The following DMD variants were observed in gnomAD, a reference collection of about 807,000 sequenced individuals.
DMD encodes the protein mutant dystrophin.
In DMD, 63 loss-of-function variants were observed where a neutral mutation model predicts 330.1. That is an observed-to-expected ratio of 0.19 (90% CI 0.16 to 0.24). DMD has a LOEUF of 0.24. Among genes scored for constraint, DMD ranks in the 10% least tolerant of loss-of-function variants. DMD has a pLI of 1.00. For missense variants in DMD, 3,344 were observed against 2,684.1 expected (o/e 1.25, Z -5.43); for synonymous variants, 1,223 against 959.8 (o/e 1.27, Z -5.07).
intron 44 of DMD, among the ~76,000 whole-genome samples, chrX:32,184,202 A>C (rs2096937704): frequency 9.0e-6 from 1 of 110,899 alleles, no homozygotes. Flanking sequence ...TAAATGTAAA[A>C]AACAAACCTT....
chrX:32,413,153 C>A (rs1443014090), intron 29 of DMD, among the ~76,000 whole-genome samples: 5 of 110,666 alleles, frequency 4.5e-5, no homozygotes, highest in Non-Finnish European at 9.4e-5. Flanking sequence ...ATTCTGACAA[C>A]TCTCAACTCT....
At chrX:32,456,136 G>T (rs182227855) in intron 25 of DMD, among the ~76,000 whole-genome samples, 1 of 110,813 alleles carries the variant, frequency 9.0e-6, no homozygotes, top group Non-Finnish European at 1.9e-5. Flanking sequence ...AAAATGAAGT[G>T]TTCATGGTAC....
chrX:32,557,557 G>A (rs1043857780), intron 16 of DMD, among the ~76,000 whole-genome samples: 7 of 111,191 alleles, frequency 6.3e-5, no homozygotes, highest in African/African-American at 2.3e-4. Flanking sequence ...AGTTTTAATG[G>A]GCATGGAGGA....
At chrX:33,125,323 C>G (rs1262860424) in intron 1 of DMD, among the ~76,000 whole-genome samples, 1 of 110,840 alleles carries the variant, frequency 9.0e-6, no homozygotes, top group African/African-American at 3.3e-5. Context: ...ATAGGTAGGA[C>G]TGGCCAAAAA....
chrX:31,985,504 G>A (rs2095503124), intron 44 of DMD, among the ~76,000 whole-genome samples: 1 of 112,386 alleles, frequency 8.9e-6, no homozygotes, highest in African/African-American at 3.2e-5. Context: ...GGTCTTTCAC[G>A]CTTAAACATC....
chrX:31,273,726 C>T (rs1465543996), intron 62 of DMD, among the ~76,000 whole-genome samples: 1 of 111,050 alleles, frequency 9.0e-6, no homozygotes, highest in Non-Finnish European at 1.9e-5. Flanking sequence ...TTATCAAAAG[C>T]AGCTTCCTTA....
At chrX:31,658,200 G>C (rs950283411) in intron 53 of DMD, 56 bp from the exon 54 acceptor site, 1 of 1,147,584 alleles carries the variant, frequency 8.7e-7, no homozygotes, top group South Asian at 1.8e-5. Flanking sequence ...GAAATCTCTA[G>C]TTGGAGTGTC....
chrX:33,270,234 A>G (rs1243412345), intron 1 of DMD, among the ~76,000 whole-genome samples: 2 of 111,571 alleles, frequency 1.8e-5, no homozygotes, highest in Non-Finnish European at 3.8e-5. Flanking sequence ...GAAACAATAA[A>G]TAGTCAGATT....
At chrX:33,081,059 T>C (rs953917281) in intron 1 of DMD, among the ~76,000 whole-genome samples, 2 of 110,067 alleles carry the variant, frequency 1.8e-5, no homozygotes, top group Non-Finnish European at 3.8e-5. Flanking sequence ...AGACTTTTTA[T>C]TTGCCAGTTT....
intron 9 of DMD, among the ~76,000 whole-genome samples, chrX:32,679,448 C>A (rs771667798): frequency 9.0e-6 from 1 of 111,274 alleles, no homozygotes; most frequent in Admixed American, 9.6e-5. Flanking sequence ...TGTCACCCAA[C>A]TCTTTCTGGT....
chrX:32,229,726 A>ATATATATATATAT (rs1569552140), intron 43 of DMD, among the ~76,000 whole-genome samples: 3 of 81,545 alleles, frequency 3.7e-5, no homozygotes, highest in Non-Finnish European at 7.0e-5. Context: ...ATATATATAT[A>ATATATATATATAT]AAATCAAAGA....
intron 2 of DMD, among the ~76,000 whole-genome samples, chrX:32,982,162 A>G (rs2092722883): frequency 8.9e-6 from 1 of 111,912 alleles, no homozygotes; most frequent in Non-Finnish European, 1.9e-5. Flanking sequence ...TTATAATTAA[A>G]GGAGCTAACT....
At chrX:31,369,971 G>C (rs1314392407) in intron 60 of DMD, among the ~76,000 whole-genome samples, 1 of 109,156 alleles carries the variant, frequency 9.2e-6, no homozygotes, top group Non-Finnish European at 1.9e-5. Context: ...TGGTGGTGGA[G>C]GCCTGTAGTC....
At chrX:31,648,658 A>G (rs2080255483) in intron 54 of DMD, among the ~76,000 whole-genome samples, 1 of 88,453 alleles carries the variant, frequency 1.1e-5, no homozygotes, top group Non-Finnish European at 2.2e-5. Flanking sequence ...AAAAAAAAAA[A>G]AAAAAATCTG....
intron 46 of DMD, among the ~76,000 whole-genome samples, chrX:31,931,358 CAG>C (rs1433072729): frequency 5.4e-5 from 6 of 110,116 alleles, no homozygotes; most frequent in African/African-American, 2.0e-4. Flanking sequence ...ATTGCACAAT[CAG>C]AGCATGTCAG....
chrX:33,072,843 C>G (rs773518289), intron 1 of DMD, among the ~76,000 whole-genome samples: 8 of 111,475 alleles, frequency 7.2e-5, no homozygotes, highest in East Asian at 2.8e-4. Context: ...TTTTTGAAAA[C>G]TGGGCAGCAT....
chrX:31,411,067 C>T (rs138887156), intron 60 of DMD, among the ~76,000 whole-genome samples: 3,707 of 110,155 alleles, frequency 0.034, 154 homozygotes, highest in African/African-American at 0.12. Context: ...CACCCAACCC[C>T]GATAACTTTT....
intron 44 of DMD, among the ~76,000 whole-genome samples, chrX:32,011,122 T>G (rs140910741): frequency 8.9e-6 from 1 of 112,302 alleles, no homozygotes; most frequent in Non-Finnish European, 1.9e-5. Context: ...TCCCAGACAT[T>G]AACAATGAAG....
At chrX:32,511,586 T>C (rs1464126572) in intron 18 of DMD, among the ~76,000 whole-genome samples, 1 of 89,607 alleles carries the variant, frequency 1.1e-5, no homozygotes, top group African/African-American at 4.1e-5. Context: ...TTAGGAAAAA[T>C]GCTTCTTACA....
Sources: allele counts gnomAD v4.1 joint callset (sites outside exome capture counted in the v4.1 genomes callset), GRCh38; gene constraint gnomAD v4.1.1; transcripts MANE v1.5; gene names NCBI Gene and HGNC (gene_info 2026-07-23, HGNC 2026-07-21).